ATP10B: variants seen among roughly 807,000 people sequenced by gnomAD.
ATP10B encodes the protein phospholipid-transporting ATPase VB.
A neutral mutation model predicts 141.2 loss-of-function variants in ATP10B; 122 were observed. The observed-to-expected ratio is 0.86, with a 90% CI of 0.75 to 1.00. The LOEUF is 1.00. Among genes scored for constraint, ATP10B ranks in the 50% least tolerant of loss-of-function variants. The pLI, the probability that ATP10B is intolerant of heterozygous loss-of-function variation, is 0.00. For synonymous variants in ATP10B, 685 were observed against 692.0 expected (o/e 0.99, Z 0.16); for missense variants, 1,876 against 1,825.3 (o/e 1.03, Z -0.51).
the ATP10B span, among the ~76,000 whole-genome samples, chr5:160,874,705 G>C: frequency 1.3e-3 from 202 of 152,254 alleles, 6 homozygotes; most frequent in Admixed American, 9.9e-3. Flanking sequence ...TGATGGAGCT[G>C]AAAACCAAGG....
At chr5:160,575,368 G>C (rs768867931) in intron 24 of ATP10B, among the ~76,000 whole-genome samples, 18 of 151,732 alleles carry the variant, frequency 1.2e-4, no homozygotes, top group Non-Finnish European at 2.5e-4. Context: ...CGTAGCCTTT[G>C]GTTTTTTATG....
At chr5:160,817,585 A>C (rs115013693) in intron 1 of ATP10B, among the ~76,000 whole-genome samples, 1 of 152,214 alleles carries the variant, frequency 6.6e-6, no homozygotes, top group African/African-American at 2.4e-5. Context: ...AAGGTAATTT[A>C]AAGATTTTAT....
At chr5:160,624,539 G>A (rs1458494117) in intron 13 of ATP10B, among the ~76,000 whole-genome samples, 1 of 152,186 alleles carries the variant, frequency 6.6e-6, no homozygotes, top group African/African-American at 2.4e-5. Flanking sequence ...GAAAACAATT[G>A]TGTGAACCAT....
At chr5:160,669,486 A>C (rs1762526171) in intron 7 of ATP10B, among the ~76,000 whole-genome samples, 1 of 151,998 alleles carries the variant, frequency 6.6e-6, no homozygotes, top group Non-Finnish European at 1.5e-5. Flanking sequence ...GCTTTTACCC[A>C]CCAAACAATA....
chr5:160,858,483 C>T, the ATP10B span, among the ~76,000 whole-genome samples: 2 of 151,656 alleles, frequency 1.3e-5, no homozygotes, highest in South Asian at 4.2e-4. Context: ...AACTGTGTTC[C>T]TTGGAGTCCC....
rs570582611 is a variant in ATP10B at position 160,637,936 on chromosome 5, G to A, written c.1001-1627C>T. Among the ~76,000 whole-genome samples, 136 of 152,318 alleles carry A rather than the reference G, an allele frequency of 8.9e-4. 3 individuals carry two copies. The South Asian group carries it at 0.028, about 31-fold the overall frequency. ...ACAAAACACATGGCACAGAGTAAGG[G>A]CCACTGGCCTTTAAGGGAATAAGAC... On this transcript the variant is annotated intron_variant, in intron 10 of 25. Coordinates refer to ENST00000327245, the MANE Select transcript of ATP10B (RefSeq NM_025153.3).
At chr5:160,602,549 G>A (rs1396082377) in intron 21 of ATP10B, 28 bp downstream of exon 21, 2 of 1,612,746 alleles carry the variant, frequency 1.2e-6, no homozygotes, top group Non-Finnish European at 1.7e-6. Flanking sequence ...CCAAAGCCCT[G>A]GGTGAGAGGA....
At chr5:160,902,865 A>G in the ATP10B span, among the ~76,000 whole-genome samples, 1 of 152,226 alleles carries the variant, frequency 6.6e-6, no homozygotes, top group Non-Finnish European at 1.5e-5. Flanking sequence ...AAGTCAGATG[A>G]CTAAAGGGGT....
At chr5:160,854,124 G>A (rs1162141038), upstream of ATP10B, among the ~76,000 whole-genome samples, 2 of 152,086 alleles carry the variant, frequency 1.3e-5, no homozygotes, top group South Asian at 2.1e-4. Context: ...CAACCAGGAT[G>A]GATTTCATAA....
intron 7 of ATP10B, among the ~76,000 whole-genome samples, chr5:160,655,263 A>G (rs1379146662): frequency 1.3e-5 from 2 of 151,996 alleles, no homozygotes; most frequent in Admixed American, 1.3e-4. Context: ...CATTTTTTTG[A>G]TAATTTTTAT....
At chr5:160,649,779 A>G (rs1212269512) in intron 7 of ATP10B, among the ~76,000 whole-genome samples, 2 of 152,228 alleles carry the variant, frequency 1.3e-5, no homozygotes, top group Non-Finnish European at 2.9e-5. Flanking sequence ...AGAGATATCC[A>G]CAGCTAAAAT....
At chr5:160,858,354 T>G in the ATP10B span, among the ~76,000 whole-genome samples, 1 of 152,024 alleles carries the variant, frequency 6.6e-6, no homozygotes, top group East Asian at 1.9e-4. Context: ...CTGCTTATAT[T>G]GCTGTATTTG....
At chr5:160,833,337 G>A (rs891426954) in intron 1 of ATP10B, among the ~76,000 whole-genome samples, 5 of 152,144 alleles carry the variant, frequency 3.3e-5, no homozygotes, top group Non-Finnish European at 7.4e-5. Flanking sequence ...CCCTAATGCT[G>A]CCTTCAAATT....
chr5:160,653,623 T>TATATATACATATATACATATAC (rs1761143724), intron 7 of ATP10B, among the ~76,000 whole-genome samples: 1 of 49,928 alleles, frequency 2.0e-5, no homozygotes, highest in African/African-American at 7.1e-5. Context: ...ACATATATAT[T>TATATATACATATATACATATAC]ATATATACAT....
intron 3 of ATP10B, among the ~76,000 whole-genome samples, chr5:160,705,427 C>T (rs996045260): frequency 1.3e-5 from 2 of 152,044 alleles, no homozygotes; most frequent in African/African-American, 2.4e-5. Flanking sequence ...GGGGGTCTCA[C>T]CATTTTGCTC....
chr5:160,693,513 A>C (rs1397416857), intron 3 of ATP10B, among the ~76,000 whole-genome samples: 2 of 151,584 alleles, frequency 1.3e-5, no homozygotes, highest in African/African-American at 4.8e-5. Context: ...AAGTTACCTG[A>C]AGAAACGCAG....
chr5:160,644,305 T>A, intron 8 of ATP10B, 61 bp from the exon 9 acceptor site: 1 of 1,156,606 alleles, frequency 8.6e-7, no homozygotes, highest in Non-Finnish European at 1.3e-6. Flanking sequence ...TGTCACTGGG[T>A]ACTGTCACAG....
At chr5:160,893,812 G>A in the ATP10B span, among the ~76,000 whole-genome samples, 32 of 152,234 alleles carry the variant, frequency 2.1e-4, no homozygotes, top group Middle Eastern at 3.4e-3. Context: ...GGCATCTGGC[G>A]GGTGCCCCTC....
the ATP10B span, among the ~76,000 whole-genome samples, chr5:160,894,569 T>C: frequency 2.0e-5 from 3 of 152,042 alleles, no homozygotes; most frequent in African/African-American, 7.2e-5. Flanking sequence ...AGACCAAACC[T>C]ATGTTTGATT....
Sources: allele counts gnomAD v4.1 joint callset (sites outside exome capture counted in the v4.1 genomes callset), GRCh38; gene constraint gnomAD v4.1.1; transcripts MANE v1.5; gene names NCBI Gene and HGNC (gene_info 2026-07-23, HGNC 2026-07-21).